Variants in MRPL30 observed in about 807,000 individuals in gnomAD.
The protein encoded by MRPL30 is mitochondrial ribosomal protein L30, also known as large ribosomal subunit protein uL30m.
In MRPL30, 10 loss-of-function variants were observed where a neutral mutation model predicts 17.2. The observed-to-expected ratio is 0.58, with a 90% confidence interval of 0.36 to 0.99. The LOEUF is 0.99. MRPL30 is among the 50% of genes least tolerant of loss of function. The pLI, the probability that MRPL30 is intolerant of heterozygous loss-of-function variation, is 0.01. For synonymous variants in MRPL30, 61 were observed against 62.1 expected, an observed-to-expected ratio of 0.98 and a Z score of 0.08; for missense variants, 170 against 189.8, an observed-to-expected ratio of 0.90 and a Z score of 0.61.
At chr2:99,193,288 C>A (rs1322423536) in intron 3 of MRPL30, among the ~76,000 whole-genome samples, 5 of 152,202 alleles carry the variant, frequency 3.3e-5, no homozygotes, top group Admixed American at 6.5e-5. Context: ...TACCTCATGC[C>A]AGTCAGAGTG....
chr2:99,192,374 A>G (rs1020154240), intron 3 of MRPL30, among the ~76,000 whole-genome samples: 3 of 152,128 alleles, frequency 2.0e-5, no homozygotes, highest in African/African-American at 7.2e-5. Context: ...CCCGTCATCT[A>G]GGTTTTAAGC....
intron 1 of MRPL30, among the ~76,000 whole-genome samples, chr2:99,182,448 G>A (rs2093926035): frequency 6.6e-6 from 1 of 152,300 alleles, no homozygotes; most frequent in Admixed American, 6.5e-5. Context: ...CCAGCTACTG[G>A]GGAGGCCGAG....
At chr2:99,186,092 C>T (rs1401261573) in intron 1 of MRPL30, 85 bp from the exon 2 acceptor site, 2 of 810,612 alleles carry the variant, frequency 2.5e-6, no homozygotes, top group Admixed American at 2.4e-5. Flanking sequence ...TAATTTGCTG[C>T]TTAGTTTTTT....
At chr2:99,183,060 A>C (rs2093928235) in intron 1 of MRPL30, among the ~76,000 whole-genome samples, 1 of 152,194 alleles carries the variant, frequency 6.6e-6, no homozygotes, top group Non-Finnish European at 1.5e-5. Context: ...GATTTGACCC[A>C]AAAATTGAAA....
intron 1 of MRPL30, among the ~76,000 whole-genome samples, chr2:99,185,107 G>A (rs776941511): frequency 3.3e-5 from 5 of 152,126 alleles, no homozygotes; most frequent in Non-Finnish European, 5.9e-5. Context: ...GAGCGTGAAC[G>A]CTACTGTGAA....
At chr2:99,192,909 A>G (rs1042946986) in intron 3 of MRPL30, among the ~76,000 whole-genome samples, 6 of 152,228 alleles carry the variant, frequency 3.9e-5, no homozygotes, top group Admixed American at 1.3e-4. Flanking sequence ...TTCAGGACAT[A>G]GGCATGGGCA....
rs1384767912 is a variant in MRPL30, at chr2:99,197,857, T to C, written c.*2152T>C. Among the ~76,000 whole-genome samples the C allele has an allele frequency of 6.6e-6, 1 of 152,144 alleles. No homozygotes were observed. Among genetic ancestry groups the C allele is most frequent in the Non-Finnish European group, 1.5e-5 (1 of 68,026 alleles). On this transcript the variant is annotated 3_prime_UTR_variant, in exon 6 of 6. Coordinates refer to ENST00000338148, the MANE Select transcript of MRPL30 (RefSeq NM_145212.4). ...CCAAGTGTTGCTATGTTGTCCACACTGATCTGGAGCTTCTAATCTCAAATG... is the reference window on the plus strand; with the variant it reads ...CCAAGTGTTGCTATGTTGTCCACACCGATCTGGAGCTTCTAATCTCAAATG...
chr2:99,187,686 G>A (rs998932323), intron 2 of MRPL30, among the ~76,000 whole-genome samples: 11 of 152,104 alleles, frequency 7.2e-5, no homozygotes, highest in African/African-American at 2.2e-4. Context: ...AAATTAGCTG[G>A]ACGTGGTGGT....
intron 3 of MRPL30, among the ~76,000 whole-genome samples, chr2:99,192,067 G>A (rs565822012): frequency 1.1e-4 from 16 of 151,936 alleles, no homozygotes; most frequent in South Asian, 6.3e-4. Flanking sequence ...TACCCACCCC[G>A]AGATAACTGC....
chr2:99,191,118 T>C (rs1409851097), intron 3 of MRPL30, among the ~76,000 whole-genome samples: 2 of 152,004 alleles, frequency 1.3e-5, no homozygotes, highest in African/African-American at 4.8e-5. Context: ...GCAATTCTCC[T>C]GCCTCAGCCT....
chr2:99,181,643 C>T (rs1264063653), intron 1 of MRPL30, among the ~76,000 whole-genome samples: 1 of 149,058 alleles, frequency 6.7e-6, no homozygotes, highest in Non-Finnish European at 1.5e-5. Flanking sequence ...TTGCCTTTAT[C>T]TTTGTATTGC....
intron 3 of MRPL30, among the ~76,000 whole-genome samples, chr2:99,191,692 C>A (rs984488775): frequency 6.6e-6 from 1 of 152,058 alleles, no homozygotes; most frequent in South Asian, 2.1e-4. Context: ...AGTCTCTATC[C>A]CCAGTTGGTT....
rs1292274364 is a variant in MRPL30 at position 99,199,071 on chromosome 2, T to G, written c.*3366T>G. ...TTTGACATGAACAAGATTGCTTCTT[T>G]GGGAGGTACCTTAAAATGAAAAGCA... On this transcript the variant is annotated 3_prime_UTR_variant, in exon 6 of 6. Transcript: ENST00000338148. Among the ~76,000 whole-genome samples the G allele has an allele frequency of 6.6e-6, 1 of 152,176 alleles. No individual in the cohort carries two copies. The highest frequency in any genetic ancestry group is 1.5e-5 in the Non-Finnish European group (1 of 68,026).
rs1430633282 is a variant in MRPL30 at position 99,198,250 on chromosome 2, C to T, written c.*2545C>T. Among the ~76,000 whole-genome samples the T allele has an allele frequency of 2.0e-5, 3 of 152,140 alleles. No individual in the cohort carries two copies. The highest frequency in any genetic ancestry group is 2.1e-4 in the South Asian group (1 of 4,834). ...AATGTTTGTGGGTCGGAAGTCTAGG[C>T]GTGGCTTAGCTGGGTAGTCTGTTTA... On this transcript the variant is annotated 3_prime_UTR_variant, in exon 6 of 6. Transcript: ENST00000338148.
chr2:99,187,340 A>G (rs1372430251), intron 2 of MRPL30, among the ~76,000 whole-genome samples: 1 of 152,234 alleles, frequency 6.6e-6, no homozygotes, highest in Admixed American at 6.5e-5. Context: ...AGCAGGAACA[A>G]GAGGTAGGAA....
In MRPL30 at chr2:99,182,997, A is replaced by G. The variant is rs373642133; in HGVS notation, c.-28+1748A>G. On this transcript the variant is annotated intron_variant, in intron 1 of 5. Coordinates refer to ENST00000338148, the MANE Select transcript of MRPL30 (RefSeq NM_145212.4). ...AATTGGGAGTGTTGACAGTTGGGGT[A>G]TGGGTGAAAATGTTAAATGATGTGA... Among the ~76,000 whole-genome samples the G allele has an allele frequency of 5.3e-5, 8 of 152,328 alleles. No homozygotes were observed. In the East Asian group the frequency reaches 1.4e-3, roughly 26 times the overall value.
At chr2:99,183,883 T>G (rs2093929869) in intron 1 of MRPL30, among the ~76,000 whole-genome samples, 1 of 152,204 alleles carries the variant, frequency 6.6e-6, no homozygotes. Context: ...TGGTCATGAC[T>G]TCTTCCTTAG....
chr2:99,193,041 A>G (rs527673015), intron 3 of MRPL30, among the ~76,000 whole-genome samples: 4 of 152,246 alleles, frequency 2.6e-5, no homozygotes, highest in Non-Finnish European at 5.9e-5. Flanking sequence ...TGAGCAGGCA[A>G]CCTACAGAAT....
chr2:99,194,673 GTC>G, intron 3 of MRPL30, 76 bp from the exon 4 acceptor site: 1 of 1,304,352 alleles, frequency 7.7e-7, no homozygotes, highest in Non-Finnish European at 1.1e-6. Context: ...ATGTGTGTGT[GTC>G]TTTTAAGAAA....
Sources: gnomAD v4.1 joint callset for allele counts (sites outside exome capture counted in the v4.1 genomes callset) on GRCh38, gnomAD v4.1.1 for gene constraint, MANE v1.5 for transcripts, NCBI Gene and HGNC (gene_info 2026-07-23, HGNC 2026-07-21) for gene names.